The following ATP2C2 variants were observed in gnomAD, a reference collection of about 807,000 sequenced individuals.
ATP2C2 encodes the protein ATPase secretory pathway Ca2+ transporting 2.
A neutral mutation model predicts 110.8 loss-of-function variants in ATP2C2; 171 were observed. The ratio of observed to expected loss-of-function variants is 1.54; its 90% confidence interval spans 1.36 to 1.75. The LOEUF (loss-of-function observed/expected upper bound fraction) is 1.75, where lower values mean the gene tolerates loss of function less well. Ranked by LOEUF, ATP2C2 falls within the 40% of genes most tolerant of loss-of-function variation. The pLI is 0.00. For synonymous variants in ATP2C2, 804 were observed against 508.4 expected (o/e 1.58, Z -7.82); for missense variants, 1,963 against 1,235.0 (o/e 1.59, Z -8.84).
intron 7 of ATP2C2, among the ~76,000 whole-genome samples, chr16:84,415,873 G>A (rs569553846): frequency 2.0e-5 from 3 of 152,294 alleles, no homozygotes; most frequent in Admixed American, 6.5e-5. Context: ...TTAAACCAAG[G>A]TGGGCTTGGG....
intron 1 of ATP2C2, among the ~76,000 whole-genome samples, chr16:84,398,263 G>T (rs922666626): frequency 9.9e-5 from 15 of 152,124 alleles, no homozygotes; most frequent in East Asian, 3.9e-4. Flanking sequence ...AAATTTAGTG[G>T]GGTGTGGTGA....
intron 2 of ATP2C2, among the ~76,000 whole-genome samples, chr16:84,404,028 G>C (rs920469180): frequency 6.6e-6 from 1 of 152,218 alleles, no homozygotes; most frequent in Non-Finnish European, 1.5e-5. Flanking sequence ...ATGAAGAGAC[G>C]CATAGGGCAG....
At chr16:84,449,482 G>T (rs145094780) in intron 17 of ATP2C2, among the ~76,000 whole-genome samples, 1 of 152,208 alleles carries the variant, frequency 6.6e-6, no homozygotes, top group Non-Finnish European at 1.5e-5. Flanking sequence ...CTGTGCCTCA[G>T]TTTCCCCATA....
intron 11 of ATP2C2, among the ~76,000 whole-genome samples, chr16:84,437,102 T>C (rs1325417400): frequency 6.6e-6 from 1 of 152,130 alleles, no homozygotes; most frequent in African/African-American, 2.4e-5. Context: ...ATAATTCACA[T>C]ATATAATTCA....
In ATP2C2 at chr16:84,461,819, C is replaced by A. The variant is rs745845017; in HGVS notation, c.2580+7C>A. 2.5e-6 allele frequency: 4 copies of A among 1,612,576 alleles called. No homozygotes were observed. In the South Asian group the frequency reaches 4.4e-5, roughly 18 times the overall value. ...CTTGACCTGCCGCTCTCAGGTGAGA[C>A]CCGGGCTGACCCTCCTCGCTGCAGA... On this transcript the variant is annotated splice_region_variant and intron_variant, in intron 25 of 26. Transcript: ENST00000262429.
chr16:84,413,438 G>A (rs77834802), intron 6 of ATP2C2, among the ~76,000 whole-genome samples: 1 of 152,194 alleles, frequency 6.6e-6, no homozygotes, highest in Non-Finnish European at 1.5e-5. Context: ...CACAGAGGGT[G>A]AGTCAATTGT....
intron 1 of ATP2C2, among the ~76,000 whole-genome samples, chr16:84,388,438 AGGCCCAGGGTAG>A (rs1305920033): frequency 1.3e-5 from 2 of 152,224 alleles, no homozygotes; most frequent in African/African-American, 4.8e-5. Flanking sequence ...CTGAGGTAGT[AGGCCCAGGGTAG>A]GGCCTGAGTT....
rs561846691 is a variant in ATP2C2 at position 84,381,997 on chromosome 16, C to CT, written c.99+13290dup. ...GGAATACCTCTGCTTCAAATGCTTTCTTTTTTTCTTAAAGTTCTGGGATAC... is the reference window on the plus strand; with the variant it reads ...GGAATACCTCTGCTTCAAATGCTTTCTTTTTTTTCTTAAAGTTCTGGGATAC... On this transcript the variant is annotated intron_variant, in intron 1 of 26. Transcript: ENST00000262429. Among the ~76,000 whole-genome samples, 32 of 152,244 alleles carry CT rather than the reference C, an allele frequency of 2.1e-4. 2 individuals carry two copies. In the South Asian group the frequency reaches 6.7e-3, roughly 32 times the overall value.
At chr16:84,401,861 G>A (rs1905345031) in intron 2 of ATP2C2, among the ~76,000 whole-genome samples, 1 of 152,016 alleles carries the variant, frequency 6.6e-6, no homozygotes, top group Non-Finnish European at 1.5e-5. Flanking sequence ...TTCTATTTCT[G>A]TTAAGAATGT....
rs184014529 is a variant in ATP2C2, at chr16:84,440,341, T to C, written c.1210-516T>C. ...AATGTGCAATTTTTTTATCCTGATA[T>C]TTTTTCTACAAAACTGGCCAAACCA... On this transcript the variant is annotated intron_variant, in intron 13 of 26. Transcript: ENST00000262429. Among the ~76,000 whole-genome samples the C allele has an allele frequency of 4.9e-4, 74 of 152,364 alleles. No individual in the cohort carries two copies. In the East Asian group the frequency reaches 0.013, roughly 27 times the overall value.
At chr16:84,389,911 C>T (rs928214422) in intron 1 of ATP2C2, among the ~76,000 whole-genome samples, 1 of 152,026 alleles carries the variant, frequency 6.6e-6, no homozygotes, top group Non-Finnish European at 1.5e-5. Flanking sequence ...TTAGTAGAGA[C>T]AGGGTTTCAC....
rs1905642721 is a variant in ATP2C2, at chr16:84,405,118, C to T, written c.211-10C>T. ...CCATGAGTGAGCTTGTGCCTGACCT[C>T]TCCTTCCAGGTGGACTTACACACTG... On this transcript the variant is annotated splice_polypyrimidine_tract_variant and intron_variant, in intron 2 of 26. Coordinates refer to ENST00000262429, the MANE Select transcript of ATP2C2 (RefSeq NM_014861.4). 4 of 1,612,550 alleles carry T rather than the reference C, an allele frequency of 2.5e-6. No homozygotes were observed. The highest frequency in any genetic ancestry group is 3.4e-6 in the Non-Finnish European group (4 of 1,178,848).
intron 17 of ATP2C2, among the ~76,000 whole-genome samples, chr16:84,449,003 CTT>C (rs774502044): frequency 1.1e-4 from 17 of 152,234 alleles, no homozygotes; most frequent in Non-Finnish European, 2.2e-4. Context: ...CTCATTGCCT[CTT>C]GTCAGGAAAA....
intron 1 of ATP2C2, among the ~76,000 whole-genome samples, chr16:84,388,805 C>T (rs1158408849): frequency 6.6e-6 from 1 of 152,164 alleles, no homozygotes; most frequent in African/African-American, 2.4e-5. Flanking sequence ...TGGAGTCTCG[C>T]TCTGTTGCCA....
intron 2 of ATP2C2, chr16:84,404,454 C>G (rs1341538097): frequency 6.2e-6 from 1 of 161,182 alleles, no homozygotes; most frequent in East Asian, 1.8e-4. Flanking sequence ...CTTTTTGTGA[C>G]TGGTTTATTT....
At position 84,440,906 on chromosome 16, in the gene ATP2C2, C is replaced by G; in HGVS notation, c.1259C>G (p.Ser420Cys). The G allele has an allele frequency of 6.2e-7, 1 of 1,613,568 alleles. No individual in the cohort carries two copies. The highest frequency in any genetic ancestry group is 8.5e-7 in the Non-Finnish European group (1 of 1,179,954). ...DGQGTVCLLP[S>C]KEVIKEFSNV... ...CAAGGGACTGTGTGTCTTCTACCAT[C>G]CAAGGAAGTCATTAAGGAATTTTCC... is the stretch of plus-strand genomic sequence containing the variant. The change falls in exon 14 of 27, where the codon TCC (serine) becomes TGC (cysteine). Residue 420 changes from serine to cysteine, a missense_variant. By Grantham distance (112) the Ser-to-Cys change is moderately radical (BLOSUM62 -1). Coordinates refer to ENST00000262429, the MANE Select transcript of ATP2C2 (RefSeq NM_014861.4).
intron 1 of ATP2C2, among the ~76,000 whole-genome samples, chr16:84,382,385 C>T (rs8058950): frequency 0.99 from 151,348 of 152,344 alleles, 75,180 homozygotes; most frequent in Middle Eastern, 1. Flanking sequence ...CAGTCTATCA[C>T]TGATGGGCTT....
intron 1 of ATP2C2, among the ~76,000 whole-genome samples, chr16:84,384,474 G>A (rs534391755): frequency 6.6e-6 from 1 of 152,312 alleles, no homozygotes; most frequent in South Asian, 2.1e-4. Context: ...GGCCCACCCA[G>A]CTGTTTGTCT....
rs559316762 is a variant in ATP2C2 at position 84,378,332 on chromosome 16, G to A, written c.99+9618G>A. Among the ~76,000 whole-genome samples the A allele has an allele frequency of 2.0e-3, 304 of 152,222 alleles. 2 individuals carry two copies. Among genetic ancestry groups the A allele is most frequent in the African/African-American group, 6.6e-3 (276 of 41,542 alleles). On this transcript the variant is annotated intron_variant, in intron 1 of 26. Transcript: ENST00000262429. ...GGGCAGACAGGGCCCCTCCGTCGCC[G>A]GCCACATGGATTTAGGCAGGTGTAA...
Sources: gnomAD v4.1 joint callset for allele counts (sites outside exome capture counted in the v4.1 genomes callset) on GRCh38, gnomAD v4.1.1 for gene constraint, MANE v1.5 for transcripts, NCBI Gene and HGNC (gene_info 2026-07-23, HGNC 2026-07-21) for gene names.